The following GPC6 variants were observed in gnomAD, a reference collection of about 807,000 sequenced individuals.
GPC6 encodes glypican 6, also known as glypican-6.
Under a neutral mutation model 55.2 loss-of-function variants are expected in GPC6, and 14 were observed. That is an observed-to-expected ratio of 0.25 (90% CI 0.17 to 0.40). The LOEUF (loss-of-function observed/expected upper bound fraction) is 0.40, where lower values mean the gene tolerates loss of function less well. Ranked by LOEUF, GPC6 falls within the 10% of genes least tolerant of loss-of-function variation. GPC6 has a pLI of 1.00. For synonymous variants in GPC6, 278 were observed against 259.6 expected (o/e 1.07, Z -0.68); for missense variants, 641 against 708.5 (o/e 0.90, Z 1.08).
intron 2 of GPC6, among the ~76,000 whole-genome samples, chr13:93,589,180 T>C (rs1414422734): frequency 7.1e-6 from 1 of 140,952 alleles, no homozygotes; most frequent in Non-Finnish European, 1.5e-5. Flanking sequence ...GTTAACATTT[T>C]ATTACCTTTG....
chr13:94,173,884 A>G (rs1044643613), intron 4 of GPC6, among the ~76,000 whole-genome samples: 4 of 152,194 alleles, frequency 2.6e-5, no homozygotes, highest in Non-Finnish European at 5.9e-5. Context: ...TACTGCAGCA[A>G]TGTTAAGAGG....
intron 3 of GPC6, among the ~76,000 whole-genome samples, chr13:93,883,597 A>G (rs1316779055): frequency 1.3e-5 from 2 of 151,916 alleles, no homozygotes; most frequent in African/African-American, 2.4e-5. Context: ...CCATTTGTGT[A>G]TCTTCTTTTG....
intron 5 of GPC6, among the ~76,000 whole-genome samples, chr13:94,295,547 A>G (rs1483517446): frequency 1.3e-5 from 2 of 152,172 alleles, no homozygotes; most frequent in African/African-American, 4.8e-5. Context: ...GGATCTCTAA[A>G]TAAATGTCTA....
At chr13:94,204,013 G>A (rs531878803) in intron 4 of GPC6, among the ~76,000 whole-genome samples, 1 of 152,074 alleles carries the variant, frequency 6.6e-6, no homozygotes, top group Admixed American at 6.5e-5. Flanking sequence ...CTACTTTATT[G>A]TTTAAACATA....
In GPC6 at chr13:93,545,431, A is replaced by C; in HGVS notation, c.319+10A>C. On this transcript the variant is annotated intron_variant, in intron 2 of 8. Transcript: ENST00000377047. ...CATAAGAAATTTGACGGTAGGTGAA[A>C]TGGTTTTCACTTCAGTTTGTTATAG... 1 of 1,611,320 alleles carries C rather than the reference A, an allele frequency of 6.2e-7. No individual in the cohort carries two copies. The highest frequency in any genetic ancestry group is 8.5e-7 in the Non-Finnish European group (1 of 1,177,454).
At chr13:94,395,052 C>G (rs1213245229) in intron 7 of GPC6, among the ~76,000 whole-genome samples, 1 of 152,172 alleles carries the variant, frequency 6.6e-6, no homozygotes. Flanking sequence ...TGTAGAGGAG[C>G]AATGCCAGAA....
chr13:93,292,494 A>G (rs1179754716), intron 1 of GPC6, among the ~76,000 whole-genome samples: 4 of 152,178 alleles, frequency 2.6e-5, no homozygotes, highest in African/African-American at 9.7e-5. Context: ...ATTATATGGT[A>G]CTCTTATAAA....
At chr13:93,416,543 A>G (rs1247483003) in intron 1 of GPC6, among the ~76,000 whole-genome samples, 1 of 152,178 alleles carries the variant, frequency 6.6e-6, no homozygotes, top group African/African-American at 2.4e-5. Context: ...TGTGTTAGCA[A>G]TAATCCAAAT....
chr13:94,403,538 A>AG lies in GPC6; in HGVS notation c.*324dup, dbSNP rs923622694. The AG allele has an allele frequency of 4.1e-5, 12 of 294,532 alleles. No homozygotes were observed. Among genetic ancestry groups the AG allele is most frequent in the African/African-American group, 1.9e-4 (8 of 41,168 alleles). 18.2% of individuals were successfully genotyped at this position (294,532 alleles called of 1,614,324 possible). A position where few individuals can be genotyped will look rare whatever the true frequency, so the allele number is the denominator to read the frequency against. ...AGAAGTAAAGGAATCTCACGTTGTG[A>AG]GGGTTTTTTTTTTCTCATTTAAAAT... is the stretch of plus-strand genomic sequence containing the variant. On this transcript the variant is annotated 3_prime_UTR_variant, in exon 9 of 9. Coordinates refer to ENST00000377047, the MANE Select transcript of GPC6 (RefSeq NM_005708.5).
chr13:93,698,926 G>A (rs777518142), intron 2 of GPC6, among the ~76,000 whole-genome samples: 4 of 151,888 alleles, frequency 2.6e-5, no homozygotes, highest in Non-Finnish European at 5.9e-5. Context: ...TTTGAGGTGG[G>A]TGGCTTCTGT....
intron 3 of GPC6, among the ~76,000 whole-genome samples, chr13:93,845,144 A>G (rs1302071442): frequency 6.6e-6 from 1 of 152,040 alleles, no homozygotes; most frequent in Non-Finnish European, 1.5e-5. Context: ...TTTTGCTTCC[A>G]TATGAACTTT....
intron 1 of GPC6, among the ~76,000 whole-genome samples, chr13:93,333,364 C>T (rs991459122): frequency 6.6e-6 from 1 of 151,900 alleles, no homozygotes; most frequent in African/African-American, 2.4e-5. Flanking sequence ...TTGTTGTTAT[C>T]TTTAACTTCT....
chr13:93,605,443 A>C (rs1165351884), intron 2 of GPC6, among the ~76,000 whole-genome samples: 1 of 152,196 alleles, frequency 6.6e-6, no homozygotes, highest in Non-Finnish European at 1.5e-5. Context: ...TAAGACTAGT[A>C]GATCTGCTGA....
Position 93,728,202 on chromosome 13 carries a change from G to T in GPC6, c.320-101952G>T, listed in dbSNP as rs533135723. ...TCTCACTATTTCAAGTTATCTTTTT[G>T]GTTTTGTTTGTTTGTTTGTTTGTTT... On this transcript the variant is annotated intron_variant, in intron 2 of 8. Transcript: ENST00000377047. Among the ~76,000 whole-genome samples, 38 of 73,638 alleles carry T rather than the reference G, an allele frequency of 5.2e-4. No individual in the cohort carries two copies. In the South Asian group the frequency reaches 0.024, roughly 47 times the overall value. The allele number at this position is 73,638 out of a possible 152,430, so 48.3% of individuals were successfully genotyped here.
intron 2 of GPC6, among the ~76,000 whole-genome samples, chr13:93,597,450 C>T (rs1877811075): frequency 6.6e-6 from 1 of 152,142 alleles, no homozygotes; most frequent in African/African-American, 2.4e-5. Flanking sequence ...GGTGAGGGAG[C>T]TGTCTGACTG....
chr13:93,990,663 C>A (rs2140414647), intron 3 of GPC6, among the ~76,000 whole-genome samples: 1 of 151,434 alleles, frequency 6.6e-6, no homozygotes, highest in South Asian at 2.1e-4. Context: ...TCCAGACAAG[C>A]CTGGGCAACA....
intron 1 of GPC6, among the ~76,000 whole-genome samples, chr13:93,266,043 C>T (rs1482527741): frequency 6.6e-6 from 1 of 152,270 alleles, no homozygotes; most frequent in East Asian, 1.9e-4. Flanking sequence ...CAGCCTACCA[C>T]TGTACATGTG....
intron 2 of GPC6, among the ~76,000 whole-genome samples, chr13:93,643,027 T>A (rs1186454900): frequency 6.6e-6 from 1 of 152,152 alleles, no homozygotes; most frequent in Admixed American, 6.6e-5. Context: ...TGTCAGAGAA[T>A]GAATCTGGAA....
At chr13:93,747,370 C>G (rs907120195) in intron 2 of GPC6, among the ~76,000 whole-genome samples, 1 of 152,070 alleles carries the variant, frequency 6.6e-6, no homozygotes, top group South Asian at 2.1e-4. Flanking sequence ...AGAGACTGTA[C>G]AGTCAAACCT....
Sources: gnomAD v4.1 joint callset for allele counts (sites outside exome capture counted in the v4.1 genomes callset) on GRCh38, gnomAD v4.1.1 for gene constraint, MANE v1.5 for transcripts, NCBI Gene and HGNC (gene_info 2026-07-23, HGNC 2026-07-21) for gene names.